The following MSH5 variants were observed in gnomAD, a reference collection of about 807,000 sequenced individuals.
MSH5 encodes mutS homolog 5.
In MSH5, 78 loss-of-function variants were observed where a neutral mutation model predicts 107.7. The ratio of observed to expected loss-of-function variants is 0.72; its 90% CI spans 0.60 to 0.87. The LOEUF (loss-of-function observed/expected upper bound fraction) is 0.87. MSH5 is among the 40% of genes least tolerant of loss of function. MSH5 has a pLI of 0.00. For missense variants in MSH5, 889 were observed against 1,046.6 expected, an observed-to-expected ratio of 0.85 and a Z score of 2.08; for synonymous variants, 326 against 399.5, an observed-to-expected ratio of 0.82 and a Z score of 2.19.
At position 31,762,447 on chromosome 6, in the gene MSH5, G is replaced by C. The variant is rs200703636; in HGVS notation, c.2421G>C (p.Met807Ile). The C allele has an allele frequency of 1.9e-6, 3 of 1,613,882 alleles. No homozygotes were observed. The highest frequency in any genetic ancestry group is 1.7e-6 in the Non-Finnish European group (2 of 1,179,898). The change falls in exon 25 of 25, where the codon ATG (methionine) becomes ATC (isoleucine). Residue 807 changes from methionine (M) to isoleucine (I), a missense_variant. By Grantham distance (10) the Met-to-Ile change is conservative. This residue lies in a region of MSH5 where 362 missense variants were observed against 456.2 expected (regional missense o/e 0.79). Coordinates refer to ENST00000375750, the MANE Select transcript of MSH5 (RefSeq NM_172166.4). The part of the protein sequence containing the change: ...ENCQTLVDKF[M>I]KLDLEDPNLD... Reference sequence around the variant, plus strand: ...GCCAGACATTAGTGGATAAGTTTATGAAACTGGATTTGGAAGATCCTAACC... The same window carrying C: ...GCCAGACATTAGTGGATAAGTTTATCAAACTGGATTTGGAAGATCCTAACC...
chr6:31,750,101 C>T (rs1022365831), intron 10 of MSH5, among the ~76,000 whole-genome samples: 9 of 151,958 alleles, frequency 5.9e-5, no homozygotes, highest in Admixed American at 3.9e-4. Flanking sequence ...GATTTAAGGT[C>T]GGGGAGGAAT....
chr6:31,743,925 G>T lies in MSH5; in HGVS notation c.437G>T (p.Arg146Leu). ...ATAGGTCTGGAGATAAGCAAACAAC[G>T]CCTCCTTTCTGGAAACTACTCCTTC... is the stretch of plus-strand genomic sequence containing the variant. Reference protein sequence around the residue: ...VDFGLEISKQRLLSGNYSFIP... With the variant: ...VDFGLEISKQLLLSGNYSFIP... The change falls in exon 6 of 25, where the codon CGC becomes CTC. Residue 146 changes from arginine (R) to leucine (L), a missense_variant. By Grantham distance (102) the Arg-to-Leu change is moderately radical. Around this residue, in one of 3 missense-constraint regions of MSH5, gnomAD observed 518 missense variants for 565.0 expected, o/e 0.92. Coordinates refer to ENST00000375750, the MANE Select transcript of MSH5 (RefSeq NM_172166.4). 1 of 1,613,300 alleles carries T rather than the reference G, an allele frequency of 6.2e-7. No individual in the cohort carries two copies. Among genetic ancestry groups the T allele is most frequent in the Non-Finnish European group, 8.5e-7 (1 of 1,179,986 alleles).
intron 9 of MSH5, 78 bp downstream of exon 9, chr6:31,745,397 C>A: frequency 1.0e-6 from 1 of 989,918 alleles, no homozygotes; most frequent in Non-Finnish European, 1.6e-6. Flanking sequence ...GTGTCCCAGC[C>A]TCCCTTCCCA....
Position 31,759,482 on chromosome 6 carries a change from T to C in MSH5, c.1465T>C (p.Leu489=). 6.2e-7 allele frequency: 1 copy of C among 1,612,596 alleles called. No homozygotes were observed. Among genetic ancestry groups the C allele is most frequent in the South Asian group, 1.1e-5 (1 of 91,060 alleles). Residue 489 remains leucine, a synonymous_variant, in exon 17 of 25, where the codon TTG becomes CTG. Transcript: ENST00000375750. The surrounding 1 kb of genome is among the most constrained non-coding windows in gnomAD (Gnocchi z 4.7). The stretch of plus-strand genomic sequence containing the variant: ...TGCCCGAACCAAGGAGCTGGATGCA[T>C]TGCTGGGGGACCTGCACTGCGAGAT... The part of the protein sequence containing the change: ...RSARTKELDA[L]LGDLHCEIRD...
chr6:31,741,889 G>A (rs1324354693), intron 3 of MSH5, among the ~76,000 whole-genome samples: 1 of 152,146 alleles, frequency 6.6e-6, no homozygotes, highest in Non-Finnish European at 1.5e-5. Context: ...GGCAGGGTGT[G>A]TAGAGGTCAC....
rs771564610 is a variant in MSH5 at position 31,743,960 on chromosome 6, G to A, written c.472G>A (p.Ala158Thr). 1.2e-5 allele frequency: 19 copies of A among 1,613,624 alleles called. No individual in the cohort carries two copies. The South Asian group carries it at 1.8e-4, about 15-fold the overall frequency. ...LSGNYSFIPD[A>T]MTATEKILFL... ...TGGAAACTACTCCTTCATCCCAGAC[G>A]CCATGACTGCCACTGAGAAAATCCT... Residue 158 changes from alanine to threonine, a missense_variant, in exon 6 of 25, where the codon GCC (alanine) becomes ACC (threonine). Ala to Thr is a moderately conservative substitution (Grantham distance 58). Transcript: ENST00000375750.
chr6:31,745,362 C>A, intron 9 of MSH5, 43 bp downstream of exon 9: 1 of 1,398,964 alleles, frequency 7.1e-7, no homozygotes, highest in African/African-American at 1.4e-5. Context: ...AAAGACCTAC[C>A]AGAAAAGCAA....
rs923587532 is a variant in MSH5, at chr6:31,761,496, G to T, written c.2062G>T (p.Ala688Ser). Residue 688 changes from alanine (A) to serine (S), a missense_variant, in exon 22 of 25, where the codon GCT becomes TCT. Ala to Ser is a moderately conservative substitution (Grantham distance 99). This residue lies in a region of MSH5 where 362 missense variants were observed against 456.2 expected (regional missense o/e 0.79). Transcript: ENST00000375750. This position sits in a 1 kb window ranked among gnomAD's most constrained non-coding sequence, Gnocchi z 5.3. The stretch of plus-strand genomic sequence containing the variant: ...GGTGGATGGGCTCGCGCTTCTGGCC[G>T]CTGTGCTCCGACACTGGCTGGCACG... ...NTVDGLALLA[A>S]VLRHWLARGP... 6.2e-7 allele frequency: 1 copy of T among 1,613,394 alleles called. No homozygotes were observed. Among genetic ancestry groups the T allele is most frequent in the Non-Finnish European group, 8.5e-7 (1 of 1,180,032 alleles).
intron 10 of MSH5, among the ~76,000 whole-genome samples, chr6:31,752,078 G>A (rs540279055): frequency 3.9e-4 from 59 of 151,992 alleles, no homozygotes; most frequent in African/African-American, 9.7e-4. Context: ...TAGCCTGGGC[G>A]ACAGAGCAAG....
At chr6:31,749,522 A>G (rs1581531204) in intron 10 of MSH5, among the ~76,000 whole-genome samples, 2 of 151,978 alleles carry the variant, frequency 1.3e-5, no homozygotes, top group East Asian at 3.9e-4. Flanking sequence ...AGCCTGGGCA[A>G]CAGAGTGAGA....
rs752914248 is a variant in MSH5, at chr6:31,761,263, GTGAGGGGAGAAACTGA to G, written c.2037+16_2037+31del. ...TGAATTTGGAAAGGGAACCAACACG[GTGAGGGGAGAAACTGA>G]TGAGGGGAGAAACTAAGGAGGGGAA... On this transcript the variant is annotated splice_donor_variant and splice_donor_5th_base_variant and intron_variant, in intron 21 of 24. Coordinates refer to ENST00000375750, the MANE Select transcript of MSH5 (RefSeq NM_172166.4). LOFTEE classifies it high-confidence loss of function. This position sits in a 1 kb window ranked among gnomAD's most constrained non-coding sequence, Gnocchi z 5.3. 202 of 1,613,630 alleles carry G rather than the reference GTGAGGGGAGAAACTGA, an allele frequency of 1.3e-4. No individual in the cohort carries two copies. Among genetic ancestry groups the G allele is most frequent in the Middle Eastern group, 1.7e-4 (1 of 5,724 alleles).
rs1194035386 is a variant in MSH5, at chr6:31,759,696, A to T, written c.1496-90A>T. 6.9e-7 allele frequency: 1 copy of T among 1,459,546 alleles called. No homozygotes were observed. The highest frequency in any genetic ancestry group is 9.4e-7 in the Non-Finnish European group (1 of 1,064,040). The allele number at this position is 1,459,546 out of a possible 1,614,324, so 90.4% of individuals were successfully genotyped here. ...TCTTGAGGTCTCAGATTGTATCTGCAACCTGTTTCCAGATCCCCCTAGGGG... is the reference window on the plus strand; with the variant it reads ...TCTTGAGGTCTCAGATTGTATCTGCTACCTGTTTCCAGATCCCCCTAGGGG... On this transcript the variant is annotated intron_variant, in intron 17 of 24. Coordinates refer to ENST00000375750, the MANE Select transcript of MSH5 (RefSeq NM_172166.4). The surrounding 1 kb of genome is among the most constrained non-coding windows in gnomAD (Gnocchi z 4.7).
rs557815031 is a variant in MSH5, at chr6:31,761,380, A to G, written c.2038-92A>G. On this transcript the variant is annotated intron_variant, in intron 21 of 24. Coordinates refer to ENST00000375750, the MANE Select transcript of MSH5 (RefSeq NM_172166.4). This position sits in a 1 kb window ranked among gnomAD's most constrained non-coding sequence, Gnocchi z 5.3. ...AATAGGGCTGTGTGGGCAGAAAAGA[A>G]ATAGAACACGAGACAGGGAAAGGCA... 606 of 1,605,290 alleles carry G rather than the reference A, an allele frequency of 3.8e-4. 1 individual carries two copies. The highest frequency in any genetic ancestry group is 4.0e-4 in the Non-Finnish European group (469 of 1,174,930).
At position 31,740,232 on chromosome 6, in the gene MSH5, G is replaced by T; in HGVS notation, c.-14+170G>T. ...CTTCCTTCCAAAGGGTAACCTCCGC[G>T]TGACAGGAATGAGGGTGGGGCGCGT... On this transcript the variant is annotated intron_variant, in intron 1 of 24. Transcript: ENST00000375750. This position sits in a 1 kb window ranked among gnomAD's most constrained non-coding sequence, Gnocchi z 4.4. 4.3e-6 allele frequency: 2 copies of T among 462,566 alleles called. No homozygotes were observed. The highest frequency in any genetic ancestry group is 7.3e-5 in the East Asian group (2 of 27,316). 28.7% of individuals were successfully genotyped at this position (462,566 alleles called of 1,614,324 possible).
In MSH5 at chr6:31,760,629, G is replaced by T. The variant is rs2151378999; in HGVS notation, c.1813-61G>T. 1 of 1,606,542 alleles carries T rather than the reference G, an allele frequency of 6.2e-7. No individual in the cohort carries two copies. On this transcript the variant is annotated intron_variant, in intron 19 of 24. Coordinates refer to ENST00000375750, the MANE Select transcript of MSH5 (RefSeq NM_172166.4). The surrounding 1 kb of genome is among the most constrained non-coding windows in gnomAD (Gnocchi z 5.6). ...CTTTGATGTGCCATTCATGCCTTGA[G>T]CCTCACTTTCACCTCAGCCCACGGC...
At position 31,758,731 on chromosome 6, in the gene MSH5, C is replaced by T; in HGVS notation, c.1217-35C>T. 6.2e-7 allele frequency: 1 copy of T among 1,610,954 alleles called. No homozygotes were observed. The highest frequency in any genetic ancestry group is 8.5e-7 in the Non-Finnish European group (1 of 1,177,160). ...TTCATAGCAACCAGGGCAGGAGACT[C>T]ACTTTTGATAACCACGTGTCTTCCA... On this transcript the variant is annotated intron_variant, in intron 14 of 24. Transcript: ENST00000375750. The surrounding 1 kb of genome is among the most constrained non-coding windows in gnomAD (Gnocchi z 5.1).
rs370966221 is a variant in MSH5, at chr6:31,745,331, C to T, written c.766+12C>T. Reference sequence around the variant, plus strand: ...GCTCAGCCTCTTTGGTAGGTGTGCCCCATCCCTCATCTCACATTACAAAGA... The same window carrying T: ...GCTCAGCCTCTTTGGTAGGTGTGCCTCATCCCTCATCTCACATTACAAAGA... On this transcript the variant is annotated intron_variant, in intron 9 of 24. Transcript: ENST00000375750. 1.0e-4 allele frequency: 161 copies of T among 1,590,536 alleles called. No homozygotes were observed. Among genetic ancestry groups the T allele is most frequent in the Non-Finnish European group, 1.3e-4 (151 of 1,159,640 alleles).
At chr6:31,743,333 C>G in intron 5 of MSH5, 163 bp downstream of exon 5, 1 of 712,692 alleles carries the variant, frequency 1.4e-6, no homozygotes, top group Non-Finnish European at 2.4e-6. Flanking sequence ...CTCCTGCTCC[C>G]TACCCTTTAA....
intron 3 of MSH5, among the ~76,000 whole-genome samples, chr6:31,741,682 A>G (rs144641977): frequency 2.6e-5 from 4 of 151,954 alleles, no homozygotes; most frequent in Non-Finnish European, 5.9e-5. Flanking sequence ...ACGCCCAGCC[A>G]TGTTTTACTT....
Sources: gnomAD v4.1 joint callset for allele counts (sites outside exome capture counted in the v4.1 genomes callset) on GRCh38, gnomAD v4.1.1 for gene constraint, gnomAD v4.1.1 regional missense constraint, Gnocchi (gnomAD v3.1) non-coding constraint, MANE v1.5 for transcripts, NCBI Gene and HGNC (gene_info 2026-07-23, HGNC 2026-07-21) for gene names.